MNAT1: variants seen among roughly 807,000 people sequenced by gnomAD.
The protein encoded by MNAT1 is CDK-activating kinase assembly factor MAT1.
A neutral mutation model predicts 42.0 loss-of-function variants in MNAT1; 43 were observed. The ratio of observed to expected loss-of-function variants is 1.02; its 90% CI spans 0.80 to 1.32. The LOEUF (loss-of-function observed/expected upper bound fraction) is 1.32. Ranked by LOEUF, MNAT1 falls within the 40% of genes most tolerant of loss-of-function variation. MNAT1 has a pLI of 0.00. For synonymous variants in MNAT1, 118 were observed against 120.0 expected (o/e 0.98, Z 0.11); for missense variants, 306 against 350.4 (o/e 0.87, Z 1.01).
chr14:60,869,134 GTTCA>G (rs2034274246), intron 6 of MNAT1, among the ~76,000 whole-genome samples: 1 of 148,656 alleles, frequency 6.7e-6, no homozygotes, highest in African/African-American at 2.5e-5. Context: ...CACCTCCCGG[GTTCA>G]AGCAATTCTC....
At chr14:60,762,366 A>T (rs1237780760) in intron 1 of MNAT1, among the ~76,000 whole-genome samples, 3 of 152,020 alleles carry the variant, frequency 2.0e-5, no homozygotes, top group African/African-American at 7.2e-5. Flanking sequence ...TTATCAGGAG[A>T]GTGAATGATG....
intron 6 of MNAT1, among the ~76,000 whole-genome samples, chr14:60,874,085 C>T (rs1025018035): frequency 2.6e-5 from 4 of 152,156 alleles, no homozygotes; most frequent in Non-Finnish European, 2.9e-5. Flanking sequence ...TGCTTTTCAT[C>T]CAGAAAGCAA....
intron 1 of MNAT1, among the ~76,000 whole-genome samples, chr14:60,790,884 A>G (rs1384976554): frequency 2.0e-5 from 3 of 152,146 alleles, no homozygotes; most frequent in African/African-American, 7.2e-5. Context: ...GTTCCTTCAT[A>G]TATTTCCAAC....
intron 6 of MNAT1, among the ~76,000 whole-genome samples, chr14:60,856,938 C>T (rs2033974605): frequency 6.6e-6 from 1 of 152,154 alleles, no homozygotes. Flanking sequence ...CTCGGCCTCC[C>T]AAAGTGCTGA....
Position 60,922,202 on chromosome 14 carries a change from A to C in MNAT1, c.809+42367A>C, listed in dbSNP as rs146805135. ...CAGAAGCAGGTTTTGGTTAATAGAT[A>C]TTTTCAGTGATGTAATGGGAACTTT... On this transcript the variant is annotated intron_variant, in intron 7 of 7. Transcript: ENST00000261245. Among the ~76,000 whole-genome samples, 379 of 152,274 alleles carry C rather than the reference A, an allele frequency of 2.5e-3. 2 individuals carry two copies. The highest frequency in any genetic ancestry group is 8.8e-3 in the African/African-American group (367 of 41,556).
At chr14:60,909,741 T>C (rs2035303959) in intron 7 of MNAT1, among the ~76,000 whole-genome samples, 2 of 152,230 alleles carry the variant, frequency 1.3e-5, no homozygotes, top group Admixed American at 1.3e-4. Context: ...GTAATATAGT[T>C]TGAAGTCAGG....
At chr14:60,818,459 ATG>A in intron 5 of MNAT1, among the ~76,000 whole-genome samples, 1 of 152,118 alleles carries the variant, frequency 6.6e-6, no homozygotes, top group Non-Finnish European at 1.5e-5. Context: ...GTTTTAATAA[ATG>A]TGGTTGGTTT....
At position 60,840,144 on chromosome 14, in the gene MNAT1, G is replaced by A. The variant is rs180951011; in HGVS notation, c.687+21297G>A. Among the ~76,000 whole-genome samples the A allele has an allele frequency of 8.5e-5, 13 of 152,300 alleles. No homozygotes were observed. In the East Asian group the frequency reaches 2.5e-3, roughly 29 times the overall value. On this transcript the variant is annotated intron_variant, in intron 6 of 7. Coordinates refer to ENST00000261245, the MANE Select transcript of MNAT1 (RefSeq NM_002431.4). The stretch of plus-strand genomic sequence containing the variant: ...AAATGTTATACATTTTCTTTTACGT[G>A]TTTCTTTAGTTACATCTGCAAAATT...
In MNAT1 at chr14:60,834,892, G is replaced by A. The variant is rs533480935; in HGVS notation, c.687+16045G>A. 6.0e-5 allele frequency among the ~76,000 whole-genome samples: 9 copies of A among 151,114 alleles called. No homozygotes were observed. The East Asian group carries it at 1.6e-3, about 26-fold the overall frequency. On this transcript the variant is annotated intron_variant, in intron 6 of 7. Transcript: ENST00000261245. Reference sequence around the variant, plus strand: ...ATATTTAGGATAGTTAGCTCTTCTTGTTGCATTGATCCCTTTACCATTATG... The same window carrying A: ...ATATTTAGGATAGTTAGCTCTTCTTATTGCATTGATCCCTTTACCATTATG...
intron 6 of MNAT1, among the ~76,000 whole-genome samples, chr14:60,856,413 G>T (rs548183650): frequency 6.6e-6 from 1 of 152,184 alleles, no homozygotes; most frequent in Non-Finnish European, 1.5e-5. Flanking sequence ...TGAGAAAGCT[G>T]CAGGAGAAAA....
chr14:60,958,365 T>C (rs1025782155), intron 7 of MNAT1, among the ~76,000 whole-genome samples: 1 of 152,192 alleles, frequency 6.6e-6, no homozygotes, highest in African/African-American at 2.4e-5. Context: ...TGCAAGATTT[T>C]TGCTGAGAAA....
intron 6 of MNAT1, among the ~76,000 whole-genome samples, chr14:60,869,440 A>T (rs931119315): frequency 1.3e-4 from 20 of 152,126 alleles, no homozygotes; most frequent in African/African-American, 4.6e-4. Context: ...AGTGAGCATG[A>T]GCATAGGGCC....
intron 7 of MNAT1, among the ~76,000 whole-genome samples, chr14:60,884,455 G>T (rs1043487473): frequency 2.0e-5 from 3 of 151,966 alleles, no homozygotes; most frequent in African/African-American, 7.2e-5. Flanking sequence ...ACATGTTGTT[G>T]AATTCAGCTT....
intron 7 of MNAT1, among the ~76,000 whole-genome samples, chr14:60,929,148 CAAAAAAAAA>C (rs550828218): frequency 5.3e-5 from 3 of 56,080 alleles, no homozygotes; most frequent in African/African-American, 2.0e-4. Context: ...CTCCATCTCC[CAAAAAAAAA>C]AAAAAAAAAA....
intron 7 of MNAT1, among the ~76,000 whole-genome samples, chr14:60,923,834 G>A (rs539422163): frequency 3.6e-4 from 55 of 152,266 alleles, no homozygotes; most frequent in African/African-American, 1.3e-3. Flanking sequence ...AAAAAAATTA[G>A]CCAGGTGTGG....
chr14:60,843,202 C>G (rs2033595247), intron 6 of MNAT1, among the ~76,000 whole-genome samples: 1 of 152,136 alleles, frequency 6.6e-6, no homozygotes, highest in Non-Finnish European at 1.5e-5. Context: ...TTGATAGTAT[C>G]TCATTGTAAT....
intron 6 of MNAT1, among the ~76,000 whole-genome samples, chr14:60,830,996 A>G (rs2033197956): frequency 6.6e-6 from 1 of 151,284 alleles, no homozygotes; most frequent in African/African-American, 2.4e-5. Flanking sequence ...ATTTTTCTAC[A>G]CTAGAAGCTC....
At chr14:60,790,828 C>A (rs1164422692) in intron 1 of MNAT1, among the ~76,000 whole-genome samples, 1 of 152,174 alleles carries the variant, frequency 6.6e-6, no homozygotes, top group African/African-American at 2.4e-5. Context: ...AAAATAATAT[C>A]TACATCATAT....
chr14:60,871,061 G>A (rs923565338), intron 6 of MNAT1, among the ~76,000 whole-genome samples: 2 of 152,120 alleles, frequency 1.3e-5, no homozygotes, highest in Non-Finnish European at 2.9e-5. Flanking sequence ...GTTGTAGCAT[G>A]TACCAATATT....
Sources: allele counts gnomAD v4.1 joint callset (sites outside exome capture counted in the v4.1 genomes callset), GRCh38; gene constraint gnomAD v4.1.1; transcripts MANE v1.5; gene names NCBI Gene and HGNC (gene_info 2026-07-23, HGNC 2026-07-21).